The following LRRC4C variants were observed in gnomAD, a reference collection of about 807,000 sequenced individuals.
LRRC4C encodes the protein leucine rich repeat containing 4C.
A neutral mutation model predicts 33.6 loss-of-function variants in LRRC4C; 5 were observed. The observed-to-expected ratio is 0.15, with a 90% CI of 0.08 to 0.31. The LOEUF (loss-of-function observed/expected upper bound fraction) is 0.31. LRRC4C is among the 10% of genes least tolerant of loss of function. The pLI is 1.00. For missense variants in LRRC4C, 560 were observed against 796.7 expected, an observed-to-expected ratio of 0.70 and a Z score of 3.58; for synonymous variants, 329 against 302.0, an observed-to-expected ratio of 1.09 and a Z score of -0.93.
intron 2 of LRRC4C, among the ~76,000 whole-genome samples, chr11:40,715,848 A>G (rs1232638316): frequency 6.6e-6 from 1 of 152,112 alleles, no homozygotes; most frequent in African/African-American, 2.4e-5. Context: ...AAAGTGGTGA[A>G]ACCCTATCTC....
chr11:40,232,226 G>A (rs150392735), intron 5 of LRRC4C, among the ~76,000 whole-genome samples: 2,340 of 152,202 alleles, frequency 0.015, 42 homozygotes, highest in Non-Finnish European at 0.026. Context: ...GGCTGGTCTC[G>A]AACTCCTGAC....
chr11:40,482,525 A>G (rs1953633067), intron 3 of LRRC4C, among the ~76,000 whole-genome samples: 1 of 151,888 alleles, frequency 6.6e-6, no homozygotes, highest in South Asian at 2.1e-4. Flanking sequence ...CTGGAGTGCA[A>G]TGGCCCAGTG....
chr11:40,352,881 A>T (rs1947476549), intron 3 of LRRC4C, among the ~76,000 whole-genome samples: 1 of 152,124 alleles, frequency 6.6e-6, no homozygotes, highest in Admixed American at 6.6e-5. Context: ...TTCCTTCAGC[A>T]CTTTTAATAT....
chr11:41,210,539 C>G (rs905504993), intron 1 of LRRC4C, among the ~76,000 whole-genome samples: 2 of 152,084 alleles, frequency 1.3e-5, no homozygotes, highest in African/African-American at 4.8e-5. Flanking sequence ...TTGGGTATGT[C>G]TTTATCAACA....
chr11:40,310,290 G>A (rs1945238139), intron 4 of LRRC4C, among the ~76,000 whole-genome samples: 1 of 152,120 alleles, frequency 6.6e-6, no homozygotes, highest in South Asian at 2.1e-4. Context: ...ATGCTTTTGA[G>A]GTCCCTGAAT....
At chr11:40,613,789 T>C (rs1961478715) in intron 3 of LRRC4C, among the ~76,000 whole-genome samples, 1 of 151,856 alleles carries the variant, frequency 6.6e-6, no homozygotes, top group African/African-American at 2.4e-5. Context: ...GGTGTTGTTT[T>C]AGCAGGCAAA....
chr11:41,051,543 A>AAAAAAAAAAAAAAAAAAAAAAAG (rs1858219454), intron 1 of LRRC4C, among the ~76,000 whole-genome samples: 1 of 108,132 alleles, frequency 9.2e-6, no homozygotes, highest in Non-Finnish European at 2.0e-5. Flanking sequence ...AAAAAAAAAA[A>AAAAAAAAAAAAAAAAAAAAAAAG]AAAAAAAAAA....
At chr11:41,362,722 C>T (rs1285142433) in intron 1 of LRRC4C, among the ~76,000 whole-genome samples, 2 of 152,214 alleles carry the variant, frequency 1.3e-5, no homozygotes. Context: ...AGGTCAGGTT[C>T]TCATGGAAGG....
At chr11:41,020,183 A>T (rs1212044288) in intron 1 of LRRC4C, among the ~76,000 whole-genome samples, 1 of 152,264 alleles carries the variant, frequency 6.6e-6, no homozygotes, top group South Asian at 2.1e-4. Flanking sequence ...ATGGAATTAT[A>T]TAGTACAAAA....
chr11:40,980,527 A>G (rs964743410), intron 1 of LRRC4C, among the ~76,000 whole-genome samples: 5 of 152,178 alleles, frequency 3.3e-5, no homozygotes, highest in African/African-American at 1.2e-4. Flanking sequence ...GGGTATGTAA[A>G]TAAGAACCAG....
chr11:41,223,616 C>G (rs1435282971), intron 1 of LRRC4C, among the ~76,000 whole-genome samples: 1 of 152,146 alleles, frequency 6.6e-6, no homozygotes, highest in African/African-American at 2.4e-5. Context: ...ATGCTAGTCT[C>G]CCAAAGAAGG....
At chr11:41,138,279 A>G (rs1315724850) in intron 1 of LRRC4C, among the ~76,000 whole-genome samples, 1 of 152,252 alleles carries the variant, frequency 6.6e-6, no homozygotes, top group African/African-American at 2.4e-5. Context: ...ATTTGGATAC[A>G]GGTAACGCAA....
intron 3 of LRRC4C, among the ~76,000 whole-genome samples, chr11:40,597,718 T>C (rs577084113): frequency 6.6e-6 from 1 of 152,272 alleles, no homozygotes; most frequent in East Asian, 1.9e-4. Context: ...TAAAGAGGGC[T>C]TAAGGAACGC....
In LRRC4C at chr11:40,628,631, T is replaced by C. The variant is rs547870071; in HGVS notation, c.-270+19511A>G. ...AGTCAAAGTTTGTGAACGTGCTTTG[T>C]AAATTGTCAAGTGTTGAGGTCACAT... On this transcript the variant is annotated intron_variant, in intron 3 of 6. Coordinates refer to ENST00000528697, the MANE Select transcript of LRRC4C (RefSeq NM_001258419.2). Among the ~76,000 whole-genome samples, 8 of 152,302 alleles carry C rather than the reference T, an allele frequency of 5.3e-5. No individual in the cohort carries two copies. In the South Asian group the frequency reaches 1.7e-3, roughly 32 times the overall value.
At chr11:40,765,521 C>A (rs1402113519) in intron 2 of LRRC4C, among the ~76,000 whole-genome samples, 1 of 152,000 alleles carries the variant, frequency 6.6e-6, no homozygotes, top group South Asian at 2.1e-4. Flanking sequence ...GATGTGTTAC[C>A]TTTCAGGCAG....
At chr11:40,777,934 C>A (rs187182391) in intron 2 of LRRC4C, among the ~76,000 whole-genome samples, 1 of 151,984 alleles carries the variant, frequency 6.6e-6, no homozygotes, top group African/African-American at 2.4e-5. Context: ...GTGATCCACC[C>A]GCCTCGGCCT....
At chr11:40,427,480 C>A (rs1022236971) in intron 3 of LRRC4C, among the ~76,000 whole-genome samples, 3 of 152,022 alleles carry the variant, frequency 2.0e-5, no homozygotes, top group Non-Finnish European at 2.9e-5. Context: ...GCACTCTGGC[C>A]TGGGCAAACA....
chr11:41,076,859 T>A (rs901331818), intron 1 of LRRC4C, among the ~76,000 whole-genome samples: 5 of 152,070 alleles, frequency 3.3e-5, no homozygotes, highest in Admixed American at 1.3e-4. Flanking sequence ...GCCTGTAAAA[T>A]CAAAAGCAAG....
At chr11:40,939,432 C>T (rs965116983) in intron 1 of LRRC4C, among the ~76,000 whole-genome samples, 2 of 152,028 alleles carry the variant, frequency 1.3e-5, no homozygotes, top group East Asian at 1.9e-4. Context: ...CTTAAATACT[C>T]ATTTTTTCCT....
Sources: allele counts gnomAD v4.1 joint callset (sites outside exome capture counted in the v4.1 genomes callset), GRCh38; gene constraint gnomAD v4.1.1; transcripts MANE v1.5; gene names NCBI Gene and HGNC (gene_info 2026-07-23, HGNC 2026-07-21).